Variants in ADGRL3 observed in about 807,000 individuals in gnomAD.
ADGRL3 encodes the protein calcium-independent alpha-latrotoxin receptor 3.
A neutral mutation model predicts 153.5 loss-of-function variants in ADGRL3; 62 were observed. The observed-to-expected ratio is 0.40, with a 90% confidence interval of 0.33 to 0.50. ADGRL3 has a LOEUF of 0.50. ADGRL3 is among the 20% of genes least tolerant of loss of function. The probability of loss-of-function intolerance (pLI) is 0.47; values close to 1 mark genes in which losing one functional copy is unlikely to be tolerated. For synonymous variants in ADGRL3, 710 were observed against 672.5 expected (o/e 1.06, Z -0.86); for missense variants, 1,641 against 1,859.4 (o/e 0.88, Z 2.16).
intron 5 of ADGRL3, among the ~76,000 whole-genome samples, chr4:61,651,614 T>C (rs2094253756): frequency 6.6e-6 from 1 of 151,272 alleles, no homozygotes; most frequent in African/African-American, 2.5e-5. Context: ...TGTTTTTGTT[T>C]CTGTTTTTTT....
intron 1 of ADGRL3, among the ~76,000 whole-genome samples, chr4:61,285,165 A>G (rs2150053820): frequency 6.6e-6 from 1 of 152,020 alleles, no homozygotes; most frequent in East Asian, 1.9e-4. Flanking sequence ...ATCAGACATA[A>G]AAAATATCGT....
intron 1 of ADGRL3, among the ~76,000 whole-genome samples, chr4:61,358,388 G>C (rs547755713): frequency 6.6e-6 from 1 of 152,148 alleles, no homozygotes; most frequent in African/African-American, 2.4e-5. Flanking sequence ...ACGAGGTCAG[G>C]AGATCGAGAC....
intron 6 of ADGRL3, among the ~76,000 whole-genome samples, chr4:61,698,408 C>T (rs1010643909): frequency 1.3e-5 from 2 of 152,012 alleles, no homozygotes; most frequent in African/African-American, 2.4e-5. Flanking sequence ...GCCGAGATCA[C>T]GCCACTGCAC....
At chr4:62,007,470 GTATA>G (rs199589568) in intron 21 of ADGRL3, among the ~76,000 whole-genome samples, 9 of 124,466 alleles carry the variant, frequency 7.2e-5, no homozygotes, top group Non-Finnish European at 1.3e-4. Context: ...ATATGTGTGT[GTATA>G]TATATATATA....
intron 4 of ADGRL3, among the ~76,000 whole-genome samples, chr4:61,535,039 C>T (rs2098646546): frequency 6.6e-6 from 1 of 151,956 alleles, no homozygotes; most frequent in Non-Finnish European, 1.5e-5. Context: ...ATACTTTCAA[C>T]TTTTACCCAT....
intron 8 of ADGRL3, among the ~76,000 whole-genome samples, chr4:61,795,379 G>C (rs760464985): frequency 1.1e-4 from 17 of 152,082 alleles, no homozygotes; most frequent in Non-Finnish European, 2.2e-4. Flanking sequence ...CCTCCCAGAG[G>C]GCTGGAATTA....
At chr4:61,883,269 C>T (rs908784275) in intron 9 of ADGRL3, among the ~76,000 whole-genome samples, 2 of 152,128 alleles carry the variant, frequency 1.3e-5, no homozygotes, top group Admixed American at 1.3e-4. Context: ...GTCTGTCTCT[C>T]CTACTAATGT....
At chr4:61,311,392 T>A (rs528059898) in intron 1 of ADGRL3, among the ~76,000 whole-genome samples, 1 of 152,294 alleles carries the variant, frequency 6.6e-6, no homozygotes, top group African/African-American at 2.4e-5. Flanking sequence ...GCTCACATTT[T>A]ATAAGCCAAA....
At chr4:61,662,757 T>C (rs2094643877) in intron 5 of ADGRL3, among the ~76,000 whole-genome samples, 1 of 152,198 alleles carries the variant, frequency 6.6e-6, no homozygotes, top group Non-Finnish European at 1.5e-5. Flanking sequence ...TGAGAACTTA[T>C]GGAGCTTTTT....
At chr4:61,413,739 A>G (rs1038603050) in intron 2 of ADGRL3, among the ~76,000 whole-genome samples, 5 of 150,716 alleles carry the variant, frequency 3.3e-5, no homozygotes, top group Middle Eastern at 3.4e-3. Flanking sequence ...ATCTGGAAGT[A>G]TGAGTTAAAC....
chr4:61,903,889 C>T (rs2098680421), intron 11 of ADGRL3, among the ~76,000 whole-genome samples: 1 of 151,876 alleles, frequency 6.6e-6, no homozygotes, highest in Admixed American at 6.6e-5. Context: ...TCTCCCACCT[C>T]AACCCCTCAA....
At chr4:61,588,019 TATA>T (rs1430007992) in intron 5 of ADGRL3, among the ~76,000 whole-genome samples, 1 of 152,048 alleles carries the variant, frequency 6.6e-6, no homozygotes, top group Non-Finnish European at 1.5e-5. Flanking sequence ...GAATGTATCA[TATA>T]ATATCAGTGG....
chr4:61,365,219 G>A (rs1030869114), intron 1 of ADGRL3, among the ~76,000 whole-genome samples: 22 of 149,330 alleles, frequency 1.5e-4, no homozygotes, highest in Non-Finnish European at 2.8e-4. Flanking sequence ...TTGTTACTGA[G>A]TTTATTTGAC....
chr4:61,832,947 CTCT>C (rs1201870061), intron 9 of ADGRL3, among the ~76,000 whole-genome samples: 2 of 151,596 alleles, frequency 1.3e-5, no homozygotes, highest in African/African-American at 4.9e-5. Flanking sequence ...GCATGTTTTT[CTCT>C]TCTTTCTGAC....
intron 24 of ADGRL3, among the ~76,000 whole-genome samples, chr4:62,040,528 G>A (rs958791556): frequency 1.3e-5 from 2 of 151,956 alleles, no homozygotes; most frequent in Non-Finnish European, 2.9e-5. Context: ...GACAAAATTT[G>A]GGGAGTATGG....
At chr4:61,700,561 A>G (rs904125925) in intron 6 of ADGRL3, among the ~76,000 whole-genome samples, 2 of 152,192 alleles carry the variant, frequency 1.3e-5, no homozygotes, top group Non-Finnish European at 2.9e-5. Flanking sequence ...AACTGAGCTA[A>G]GGTGCCAATG....
chr4:61,733,642 T>C, intron 8 of ADGRL3, 88 bp downstream of exon 8: 2 of 1,005,600 alleles, frequency 2.0e-6, no homozygotes, highest in South Asian at 3.4e-5. Flanking sequence ...TAAACTTTAT[T>C]TGTGGTATTC....
intron 1 of ADGRL3, among the ~76,000 whole-genome samples, chr4:61,206,232 A>G (rs1445975991): frequency 6.6e-6 from 1 of 152,244 alleles, no homozygotes; most frequent in African/African-American, 2.4e-5. Flanking sequence ...AGGTGTTAAA[A>G]GAAGTGAAAA....
chr4:62,045,755 C>T (rs1319196304), intron 25 of ADGRL3, among the ~76,000 whole-genome samples: 1 of 151,924 alleles, frequency 6.6e-6, no homozygotes, highest in Non-Finnish European at 1.5e-5. Context: ...TTAAAATTAT[C>T]TACATCACTT....
Sources: gnomAD v4.1 joint callset for allele counts (sites outside exome capture counted in the v4.1 genomes callset) on GRCh38, gnomAD v4.1.1 for gene constraint, MANE v1.5 for transcripts, NCBI Gene and HGNC (gene_info 2026-07-23, HGNC 2026-07-21) for gene names.